The following NAF1 variants were observed in gnomAD, a reference collection of about 807,000 sequenced individuals.
NAF1 encodes H/ACA ribonucleoprotein complex non-core subunit NAF1.
NAF1 carries 11 observed loss-of-function variants against 40.6 expected under a neutral mutation model. The ratio of observed to expected loss-of-function variants is 0.27; its 90% confidence interval spans 0.17 to 0.45. The LOEUF is 0.45. Among genes scored for constraint, NAF1 ranks in the 20% least tolerant of loss-of-function variants. The probability of loss-of-function intolerance (pLI) is 1.00; values close to 1 mark genes in which losing one functional copy is unlikely to be tolerated. For missense variants in NAF1, 607 were observed against 611.1 expected (o/e 0.99, Z 0.07); for synonymous variants, 260 against 228.5 (o/e 1.14, Z -1.24).
chr4:163,154,344 C>A (rs1307722741), intron 2 of NAF1, among the ~76,000 whole-genome samples: 1 of 152,092 alleles, frequency 6.6e-6, no homozygotes, highest in African/African-American at 2.4e-5. Context: ...AAGTCTCGCC[C>A]CAAATACTCC....
At chr4:163,108,746 T>A (rs1426226152), downstream of NAF1, 2 of 152,178 alleles carry the variant, frequency 1.3e-5, no homozygotes, top group Non-Finnish European at 1.5e-5. Context: ...CAGGCAAAAA[T>A]ACACTCTCTA....
intron 2 of NAF1, among the ~76,000 whole-genome samples, chr4:163,116,666 T>G (rs1730348148): frequency 6.6e-6 from 1 of 152,204 alleles, no homozygotes; most frequent in African/African-American, 2.4e-5. Context: ...TTCCACATGA[T>G]TTCATCAAGT....
chr4:163,158,741 C>T (rs1470438700), intron 2 of NAF1, among the ~76,000 whole-genome samples: 2 of 152,058 alleles, frequency 1.3e-5, no homozygotes, highest in East Asian at 3.8e-4. Context: ...AACTTTAAGC[C>T]TATCTTTCAT....
At chr4:163,132,391 GAACA>G (rs1450397099) in intron 7 of NAF1, among the ~76,000 whole-genome samples, 1 of 152,190 alleles carries the variant, frequency 6.6e-6, no homozygotes, top group Non-Finnish European at 1.5e-5. Flanking sequence ...TAATGAAGAG[GAACA>G]AACTATTATT....
chr4:163,150,531 A>C (rs1441953213), intron 2 of NAF1, among the ~76,000 whole-genome samples: 1 of 152,132 alleles, frequency 6.6e-6, no homozygotes, highest in Non-Finnish European at 1.5e-5. Context: ...TTCTATAACA[A>C]ACAAAAACAT....
At chr4:163,121,995 G>A (rs986123260), downstream of NAF1, among the ~76,000 whole-genome samples, 5 of 152,184 alleles carry the variant, frequency 3.3e-5, no homozygotes, top group Admixed American at 6.5e-5. Context: ...GAACTAGTAC[G>A]AAGCATTGAG....
intron 2 of NAF1, among the ~76,000 whole-genome samples, chr4:163,118,119 T>C (rs1438745171): frequency 6.6e-6 from 1 of 151,962 alleles, no homozygotes; most frequent in Non-Finnish European, 1.5e-5. Flanking sequence ...TTTCAAGTCA[T>C]TAAAAAAAAA....
At chr4:163,109,564 T>C (rs2110787494), downstream of NAF1, among the ~76,000 whole-genome samples, 1 of 152,314 alleles carries the variant, frequency 6.6e-6, no homozygotes, top group South Asian at 2.1e-4. Context: ...GTTAATAATG[T>C]ATTCAAAGCA....
intron 2 of NAF1, among the ~76,000 whole-genome samples, chr4:163,163,425 A>G (rs571706227): frequency 6.6e-6 from 1 of 152,284 alleles, no homozygotes; most frequent in Admixed American, 6.5e-5. Context: ...TAAGTGTTAT[A>G]TAAGAATTAT....
chr4:163,122,657 C>G (rs1036125547), downstream of NAF1, among the ~76,000 whole-genome samples: 1 of 152,194 alleles, frequency 6.6e-6, no homozygotes, highest in African/African-American at 2.4e-5. Context: ...TTAGTTGCCA[C>G]TGTAACAGTA....
intron 2 of NAF1, among the ~76,000 whole-genome samples, chr4:163,161,238 C>T (rs1168875951): frequency 1.3e-5 from 2 of 151,868 alleles, no homozygotes; most frequent in South Asian, 2.1e-4. Context: ...TTTGGGAGGC[C>T]GAGGCAGGTG....
At chr4:163,115,528 C>A (rs1322242634) in intron 2 of NAF1, among the ~76,000 whole-genome samples, 1 of 152,136 alleles carries the variant, frequency 6.6e-6, no homozygotes, top group Non-Finnish European at 1.5e-5. Context: ...CGTTGCCATA[C>A]TCAGTATGAT....
downstream of NAF1, among the ~76,000 whole-genome samples, chr4:163,123,517 G>A: frequency 6.6e-6 from 1 of 152,170 alleles, no homozygotes; most frequent in East Asian, 1.9e-4. Flanking sequence ...GAGTAGCTGA[G>A]ACTACAGGCA....
Position 163,164,334 on chromosome 4 carries a change from C to G in NAF1, c.423G>C (p.Ser141=). The G allele has an allele frequency of 1.3e-6, 2 of 1,598,326 alleles. No homozygotes were observed. The highest frequency in any genetic ancestry group is 1.3e-5 in the African/African-American group (1 of 74,238). The change falls in exon 2 of 8, where the codon TCG becomes TCC. Residue 141 remains serine, a synonymous_variant. Transcript: ENST00000274054. ...GAAGTGATATACAAGAGGAAGAAGA[C>G]GACGATGAGGAAGATGAAGAGGAAG... The part of the protein sequence containing the change: ...SSSSSSSSSS[S]SSSSCISLPP...
chr4:163,162,360 T>G (rs1732262917), intron 2 of NAF1, among the ~76,000 whole-genome samples: 1 of 152,196 alleles, frequency 6.6e-6, no homozygotes, highest in East Asian at 1.9e-4. Context: ...GGGAAACTCA[T>G]CAATTCCTCT....
intron 5 of NAF1, 56 bp downstream of exon 5, chr4:163,140,167 T>C: frequency 7.3e-7 from 1 of 1,378,248 alleles, no homozygotes; most frequent in South Asian, 1.5e-5. Context: ...CTGAGAATTA[T>C]TCTTAAAATA....
At chr4:163,104,761 T>C in the NAF1 span, among the ~76,000 whole-genome samples, 1 of 152,222 alleles carries the variant, frequency 6.6e-6, no homozygotes, top group African/African-American at 2.4e-5. Flanking sequence ...TCCATAAGAA[T>C]CCTGGCAAAG....
intron 2 of NAF1, among the ~76,000 whole-genome samples, chr4:163,152,018 G>A (rs1731729784): frequency 6.6e-6 from 1 of 152,082 alleles, no homozygotes; most frequent in African/African-American, 2.4e-5. Flanking sequence ...TATTTTCAAA[G>A]AGTAAGTTGT....
At chr4:163,109,373 A>G (rs754286120), downstream of NAF1, among the ~76,000 whole-genome samples, 3 of 152,122 alleles carry the variant, frequency 2.0e-5, no homozygotes, top group Non-Finnish European at 4.4e-5. Context: ...TAATTTCATG[A>G]TTAAAAACTA....
Sources: gnomAD v4.1 joint callset for allele counts (sites outside exome capture counted in the v4.1 genomes callset) on GRCh38, gnomAD v4.1.1 for gene constraint, MANE v1.5 for transcripts, NCBI Gene and HGNC (gene_info 2026-07-23, HGNC 2026-07-21) for gene names.